Variants in CTIF observed in about 807,000 individuals in gnomAD.
CTIF encodes cap binding complex dependent translation initiation factor, also known as CBP80/20-dependent translation initiation factor.
In CTIF, 21 loss-of-function variants were observed where a neutral mutation model predicts 66.0. The observed-to-expected ratio is 0.32, with a 90% CI of 0.23 to 0.46. The LOEUF is 0.46. Ranked by LOEUF, CTIF falls within the 20% of genes least tolerant of loss-of-function variation. CTIF has a pLI of 1.00. For synonymous variants in CTIF, 345 were observed against 326.4 expected (o/e 1.06, Z -0.62); for missense variants, 739 against 812.7 (o/e 0.91, Z 1.10).
intron 7 of CTIF, among the ~76,000 whole-genome samples, chr18:48,748,527 C>T (rs781746598): frequency 3.3e-5 from 5 of 152,216 alleles, no homozygotes; most frequent in African/African-American, 7.2e-5. Flanking sequence ...AGGCACCTCC[C>T]GAAGATCAGC....
At chr18:48,654,688 G>A (rs527940561) in intron 3 of CTIF, among the ~76,000 whole-genome samples, 39 of 152,254 alleles carry the variant, frequency 2.6e-4, no homozygotes, top group East Asian at 1.9e-3. Context: ...TGTTTGTTGC[G>A]GCACTATTCA....
chr18:48,727,020 A>G (rs1282212265), intron 7 of CTIF, among the ~76,000 whole-genome samples: 1 of 151,822 alleles, frequency 6.6e-6, no homozygotes, highest in Non-Finnish European at 1.5e-5. Flanking sequence ...CACCTCAGGT[A>G]CAGTTCACTC....
chr18:48,565,254 C>G (rs2089254124), intron 1 of CTIF: 1 of 152,260 alleles, frequency 6.6e-6, no homozygotes, highest in East Asian at 1.9e-4. Context: ...ATCAGTGACG[C>G]GTTCTTGGCG....
chr18:48,859,566 G>C lies in CTIF; in HGVS notation c.*7G>C. On this transcript the variant is annotated 3_prime_UTR_variant, in exon 12 of 12. Coordinates refer to ENST00000256413, the MANE Select transcript of CTIF (RefSeq NM_014772.3). Reference sequence around the variant, plus strand: ...CCAGAAACTGACAGCCTGACAGCCAGGGGGCCTGGCAGGCGGCCCACGGGC... The same window carrying C: ...CCAGAAACTGACAGCCTGACAGCCACGGGGCCTGGCAGGCGGCCCACGGGC... 1 of 1,613,466 alleles carries C rather than the reference G, an allele frequency of 6.2e-7. No homozygotes were observed. Among genetic ancestry groups the C allele is most frequent in the Non-Finnish European group, 8.5e-7 (1 of 1,179,708 alleles).
At chr18:48,730,300 A>G (rs371292048) in intron 7 of CTIF, among the ~76,000 whole-genome samples, 2 of 65,708 alleles carry the variant, frequency 3.0e-5, no homozygotes, top group African/African-American at 1.2e-4. Context: ...GGGGCCCCTG[A>G]GGTGTGAGGG....
At position 48,785,262 on chromosome 18, in the gene CTIF, T is replaced by C. The variant is rs149276885; in HGVS notation, c.1371+23573T>C. On this transcript the variant is annotated intron_variant, in intron 9 of 11. Transcript: ENST00000256413. The stretch of plus-strand genomic sequence containing the variant: ...CACAGTCTATTGACGTTTCTGACTC[T>C]TAGAGGCTCCAAACCGAAACTCAGC... Among the ~76,000 whole-genome samples, 522 of 152,348 alleles carry C rather than the reference T, an allele frequency of 3.4e-3. 3 individuals are homozygous for C. In the Middle Eastern group the frequency reaches 0.041, roughly 12 times the overall value.
At chr18:48,800,689 T>C (rs960861343) in intron 9 of CTIF, among the ~76,000 whole-genome samples, 22 of 152,282 alleles carry the variant, frequency 1.4e-4, no homozygotes, top group African/African-American at 5.3e-4. Flanking sequence ...ATTTTCATCA[T>C]CACGGTGTTT....
At chr18:48,650,869 C>T (rs1340785954) in intron 3 of CTIF, among the ~76,000 whole-genome samples, 3 of 151,956 alleles carry the variant, frequency 2.0e-5, no homozygotes, top group Non-Finnish European at 4.4e-5. Context: ...AATTTTCAAC[C>T]GAGAATTTCA....
At chr18:48,790,717 C>A (rs12455557) in intron 9 of CTIF, among the ~76,000 whole-genome samples, 114 of 152,230 alleles carry the variant, frequency 7.5e-4, no homozygotes, top group Non-Finnish European at 1.4e-3. Context: ...TTCAGAGGAA[C>A]GCGGCCAAGT....
At chr18:48,685,956 C>T (rs570840570) in intron 6 of CTIF, among the ~76,000 whole-genome samples, 19 of 152,304 alleles carry the variant, frequency 1.2e-4, no homozygotes, top group South Asian at 4.1e-4. Context: ...GAATTACAGG[C>T]ATGAGCCACT....
chr18:48,601,562 G>C (rs1296281640), intron 1 of CTIF, among the ~76,000 whole-genome samples: 1 of 152,180 alleles, frequency 6.6e-6, no homozygotes, highest in Admixed American at 6.5e-5. Context: ...GACAGCCTGG[G>C]GACCAGCCTG....
intron 6 of CTIF, among the ~76,000 whole-genome samples, chr18:48,705,051 GA>G (rs1464677237): frequency 6.6e-6 from 1 of 152,166 alleles, no homozygotes; most frequent in African/African-American, 2.4e-5. Flanking sequence ...GCCTCTGAAG[GA>G]ATTGGTCTAT....
At chr18:48,738,583 C>T (rs1243111921) in intron 7 of CTIF, among the ~76,000 whole-genome samples, 1 of 151,996 alleles carries the variant, frequency 6.6e-6, no homozygotes, top group Non-Finnish European at 1.5e-5. Flanking sequence ...TGGCTTCTCC[C>T]TCCCCTCCCT....
chr18:48,550,407 C>A (rs9952398), intron 1 of CTIF, among the ~76,000 whole-genome samples: 116,760 of 152,164 alleles, frequency 0.77, 45,113 homozygotes, highest in East Asian at 0.96. Context: ...AGAATGAGTT[C>A]TGTTGTCCCT....
At chr18:48,771,636 G>A (rs548690046) in intron 9 of CTIF, among the ~76,000 whole-genome samples, 168 of 152,286 alleles carry the variant, frequency 1.1e-3, no homozygotes, top group African/African-American at 3.9e-3. Flanking sequence ...CTGCCACGCC[G>A]AAGCAGGCCC....
intron 9 of CTIF, among the ~76,000 whole-genome samples, chr18:48,813,338 A>T (rs1599094551): frequency 1.3e-5 from 2 of 152,094 alleles, no homozygotes; most frequent in East Asian, 1.9e-4. Flanking sequence ...TGAGTTTTTC[A>T]TTTTATTTAT....
intron 1 of CTIF, among the ~76,000 whole-genome samples, chr18:48,599,639 C>T (rs565285497): frequency 1.3e-5 from 2 of 152,232 alleles, no homozygotes; most frequent in South Asian, 2.1e-4. Context: ...AGTGTGGGCA[C>T]GTCTTAGTGC....
intron 9 of CTIF, among the ~76,000 whole-genome samples, chr18:48,765,635 T>C (rs1909449042): frequency 6.6e-6 from 1 of 151,946 alleles, no homozygotes; most frequent in Non-Finnish European, 1.5e-5. Context: ...CCCCATGGAG[T>C]GGGAAGTGCA....
intron 1 of CTIF, among the ~76,000 whole-genome samples, chr18:48,562,802 C>A (rs1329392441): frequency 6.6e-6 from 1 of 152,114 alleles, no homozygotes; most frequent in Non-Finnish European, 1.5e-5. Context: ...ATTTCAAAAC[C>A]GTAACTGAAA....
Sources: allele counts gnomAD v4.1 joint callset (sites outside exome capture counted in the v4.1 genomes callset), GRCh38; gene constraint gnomAD v4.1.1; transcripts MANE v1.5; gene names NCBI Gene and HGNC (gene_info 2026-07-23, HGNC 2026-07-21).